Variants in RYR1 observed in about 807,000 individuals in gnomAD.
RYR1 encodes ryanodine receptor 1.
A neutral mutation model predicts 583.5 loss-of-function variants in RYR1; 342 were observed. The ratio of observed to expected loss-of-function variants is 0.59; its 90% CI spans 0.54 to 0.64. The LOEUF (loss-of-function observed/expected upper bound fraction) is 0.64. Among genes scored for constraint, RYR1 ranks in the 30% least tolerant of loss-of-function variants. The probability of loss-of-function intolerance (pLI) is 0.00; values close to 1 mark genes in which losing one functional copy is unlikely to be tolerated. For synonymous variants in RYR1, 2,791 were observed against 2,822.5 expected (o/e 0.99, Z 0.35); for missense variants, 6,032 against 6,917.2 (o/e 0.87, Z 4.54).
chr19:38,440,981 G>A, intron 2 of RYR1, 117 bp downstream of exon 2: 2 of 1,169,910 alleles, frequency 1.7e-6, no homozygotes. Flanking sequence ...GAGAGAAAGT[G>A]AGGAGGGGGG....
intron 29 of RYR1, among the ~76,000 whole-genome samples, chr19:38,475,668 G>A (rs1010734760): frequency 6.6e-6 from 1 of 152,234 alleles, no homozygotes; most frequent in Admixed American, 6.5e-5. Context: ...GAGTACAGTA[G>A]AGGTGTACAG....
rs1281728838 is a variant in RYR1 at position 38,512,036 on chromosome 19, G to A, written c.9173-36G>A. 3.1e-6 allele frequency: 5 copies of A among 1,607,654 alleles called. No individual in the cohort carries two copies. The highest frequency in any genetic ancestry group is 4.2e-6 in the Non-Finnish European group (5 of 1,176,506). Reference sequence around the variant, plus strand: ...GGAGGCACTGTCCTCTGTCCTCTTAGCCATGGCATCCCCCCGGCCCATCTT... The same window carrying A: ...GGAGGCACTGTCCTCTGTCCTCTTAACCATGGCATCCCCCCGGCCCATCTT... On this transcript the variant is annotated intron_variant, in intron 61 of 105. Transcript: ENST00000359596. This position sits in a 1 kb window ranked among gnomAD's most constrained non-coding sequence, Gnocchi z 5.1.
intron 73 of RYR1, 129 bp from the exon 74 acceptor site, chr19:38,528,177 A>G (rs1971561872): frequency 3.8e-6 from 3 of 786,830 alleles, no homozygotes; most frequent in East Asian, 5.3e-5. Flanking sequence ...GGTGGAGACA[A>G]GGTTTTCCTT....
Position 38,565,057 on chromosome 19 carries a change from C to A in RYR1, c.12723C>A (p.Ile4241=). 1 of 1,569,844 alleles carries A rather than the reference C, an allele frequency of 6.4e-7. No homozygotes were observed. Among genetic ancestry groups the A allele is most frequent in the Non-Finnish European group, 8.6e-7 (1 of 1,158,418 alleles). Residue 4241 remains isoleucine (I), a synonymous_variant, in exon 91 of 106, where the codon ATC becomes ATA. Coordinates refer to ENST00000359596, the MANE Select transcript of RYR1 (RefSeq NM_000540.3). The surrounding 1 kb of genome is among the most constrained non-coding windows in gnomAD (Gnocchi z 4.7). Reference sequence around the variant, plus strand: ...TCGTGAGTTTCTGCGAGGACACCATCTTCGAGATGCAGATCGCCGCGCAGA... The same window carrying A: ...TCGTGAGTTTCTGCGAGGACACCATATTCGAGATGCAGATCGCCGCGCAGA... ...ELFVSFCEDT[I]FEMQIAAQIS... is the part of the protein sequence containing the mutation.
chr19:38,518,035 CTT>C (rs1344392807), intron 66 of RYR1, among the ~76,000 whole-genome samples: 3 of 152,132 alleles, frequency 2.0e-5, no homozygotes, highest in African/African-American at 7.2e-5. Flanking sequence ...AGGAGGATCT[CTT>C]GAGCCCAGGA....
chr19:38,546,876 C>T (rs370489806), intron 88 of RYR1, among the ~76,000 whole-genome samples: 3,243 of 147,160 alleles, frequency 0.022, 65 homozygotes, highest in South Asian at 0.075. Flanking sequence ...CACCAGAGCC[C>T]GGGAGGTCCA....
At chr19:38,506,636 T>TC (rs760095555) in intron 56 of RYR1, 90 bp downstream of exon 56, 5 of 1,528,422 alleles carry the variant, frequency 3.3e-6, no homozygotes, top group East Asian at 2.3e-5. Flanking sequence ...ACTCGGTTTC[T>TC]CCATCTGTAG....
chr19:38,517,331 A>G, intron 65 of RYR1, 28 bp from the exon 66 acceptor site: 2 of 1,608,196 alleles, frequency 1.2e-6, no homozygotes, highest in Non-Finnish European at 1.7e-6. Flanking sequence ...ATGGCTTGAC[A>G]TTCCCTGCCC....
chr19:38,537,867 C>T lies in RYR1; in HGVS notation c.11609-13C>T, dbSNP rs374885508. 9.6e-5 allele frequency: 155 copies of T among 1,613,530 alleles called. No individual in the cohort carries two copies. The African/African-American group carries it at 1.9e-3, about 20-fold the overall frequency. On this transcript the variant is annotated splice_polypyrimidine_tract_variant and intron_variant, in intron 83 of 105. Coordinates refer to ENST00000359596, the MANE Select transcript of RYR1 (RefSeq NM_000540.3). Reference sequence around the variant, plus strand: ...TGACCCCTCCTGGGCCCTGTCCCCTCCCTTCCACCTAGGAGAGAAGGTCAT... The same window carrying T: ...TGACCCCTCCTGGGCCCTGTCCCCTTCCTTCCACCTAGGAGAGAAGGTCAT...
intron 21 of RYR1, 42 bp from the exon 22 acceptor site, chr19:38,463,705 A>G (rs1240315099): frequency 6.3e-7 from 1 of 1,577,148 alleles, no homozygotes; most frequent in African/African-American, 1.3e-5. Context: ...GGGAGTGGGA[A>G]GGAAAGGGGA....
chr19:38,516,106 G>A lies in RYR1; in HGVS notation c.9574G>A (p.Glu3192Lys). ...YVEKLRPALG[E>K]CLARLAAAMP... ...TTCCAGGCTTCGGCCAGCCCTCGGG[G>A]AGTGCCTGGCCCGTCTGGCAGCAGC... is the stretch of plus-strand genomic sequence containing the variant. Residue 3192 changes from glutamate to lysine, a missense_variant, in exon 65 of 106, where the codon GAG (glutamate) becomes AAG (lysine). Around this residue, in one of 11 missense-constraint regions of RYR1, gnomAD observed 1,493 missense variants for 1,715.5 expected, o/e 0.87. Coordinates refer to ENST00000359596, the MANE Select transcript of RYR1 (RefSeq NM_000540.3). 2 of 1,549,464 alleles carry A rather than the reference G, an allele frequency of 1.3e-6. No homozygotes were observed.
chr19:38,460,732 A>C, intron 20 of RYR1, 141 bp downstream of exon 20: 1 of 807,062 alleles, frequency 1.2e-6, no homozygotes, highest in Non-Finnish European at 2.0e-6. Flanking sequence ...AAGCCCAGCA[A>C]TTTGGGAGGC....
chr19:38,485,195 T>A (rs1490919456), intron 33 of RYR1, among the ~76,000 whole-genome samples: 1 of 152,118 alleles, frequency 6.6e-6, no homozygotes, highest in Non-Finnish European at 1.5e-5. Context: ...ATGTTCTACA[T>A]GGACTCTCAG....
intron 101 of RYR1, 65 bp from the exon 102 acceptor site, chr19:38,584,878 G>C: frequency 1.3e-6 from 2 of 1,595,820 alleles, no homozygotes; most frequent in Non-Finnish European, 1.7e-6. Context: ...TGCCTATCCC[G>C]GGGCCTTGGC....
At position 38,451,794 on chromosome 19, in the gene RYR1, G is replaced by A. The variant is rs1482872447; in HGVS notation, c.1153G>A (p.Asp385Asn). The change falls in exon 12 of 106, where the codon GAC becomes AAC. Residue 385 changes from aspartate to asparagine, a missense_variant. By Grantham distance (23) the Asp-to-Asn change is conservative (BLOSUM62 1). Coordinates refer to ENST00000359596, the MANE Select transcript of RYR1 (RefSeq NM_000540.3). ...GCTGCACCAGGAGGGCCACATGGAC[G>A]ACGCACTGTCGCTGACCCGCTGCCA... ...AMLHQEGHMD[D>N]ALSLTRCQQE... 8 of 1,614,096 alleles carry A rather than the reference G, an allele frequency of 5.0e-6. No individual in the cohort carries two copies. Among genetic ancestry groups the A allele is most frequent in the South Asian group, 1.1e-5 (1 of 91,068 alleles).
intron 91 of RYR1, among the ~76,000 whole-genome samples, chr19:38,566,188 C>G (rs936720673): frequency 6.6e-6 from 1 of 151,896 alleles, no homozygotes; most frequent in Admixed American, 6.6e-5. Context: ...GTGGCTTACA[C>G]CTGTGATCCC....
chr19:38,524,299 G>C lies in RYR1; in HGVS notation c.10455+370G>C, dbSNP rs376543642. On this transcript the variant is annotated intron_variant, in intron 70 of 105. Transcript: ENST00000359596. The stretch of plus-strand genomic sequence containing the variant: ...AGGCACACGGAGCATGGTTGGGGAG[G>C]GGGCAGCACCCTCGCCGTGGATGGT... Among the ~76,000 whole-genome samples the C allele has an allele frequency of 1.8e-3, 125 of 70,658 alleles. 4 individuals are homozygous for C. The East Asian group carries it at 0.035, about 20-fold the overall frequency. 46.4% of individuals were successfully genotyped at this position (70,658 alleles called of 152,430 possible). A position where few individuals can be genotyped will look rare whatever the true frequency, so the allele number is the denominator to read the frequency against.
chr19:38,511,227 T>G (rs1338406875), intron 60 of RYR1, among the ~76,000 whole-genome samples: 1 of 151,978 alleles, frequency 6.6e-6, no homozygotes, highest in East Asian at 1.9e-4. Flanking sequence ...ACCCAGGAGT[T>G]GGAGGCTGCA....
intron 58 of RYR1, among the ~76,000 whole-genome samples, chr19:38,508,061 A>G (rs1046985732): frequency 6.6e-6 from 1 of 152,230 alleles, no homozygotes; most frequent in African/African-American, 2.4e-5. Context: ...GGCAATTAGC[A>G]TCATAAATAA....
Sources: allele counts gnomAD v4.1 joint callset (sites outside exome capture counted in the v4.1 genomes callset), GRCh38; gene constraint gnomAD v4.1.1; regional missense constraint gnomAD v4.1.1; non-coding constraint Gnocchi (gnomAD v3.1); transcripts MANE v1.5; gene names NCBI Gene and HGNC (gene_info 2026-07-23, HGNC 2026-07-21).